Variants in MAB21L1 observed in about 807,000 individuals in gnomAD.
The protein encoded by MAB21L1 is putative nucleotidyltransferase MAB21L1.
Under a neutral mutation model 28.9 loss-of-function variants are expected in MAB21L1, and 8 were observed. The ratio of observed to expected loss-of-function variants is 0.28; its 90% CI spans 0.16 to 0.50. The LOEUF (loss-of-function observed/expected upper bound fraction) is 0.50. MAB21L1 is among the 20% of genes least tolerant of loss of function. MAB21L1 has a pLI of 0.98. For synonymous variants in MAB21L1, 219 were observed against 198.2 expected (o/e 1.10, Z -0.88); for missense variants, 388 against 466.5 (o/e 0.83, Z 1.55).
Position 35,475,538 on chromosome 13 carries a change from C to T in MAB21L1, c.601G>A (p.Ala201Thr), listed in dbSNP as rs1170411759. ...HIPWPGPNRV[A>T]EVKAEGFNLL... ...TTGAAACCTTCCGCCTTGACCTCCG[C>T]CACCCGGTTGGGTCCCGGCCAGGGG... Residue 201 changes from alanine (A) to threonine (T), a missense_variant, in exon 1 of 1, where the codon GCG becomes ACG. Ala to Thr is a moderately conservative substitution (Grantham distance 58, BLOSUM62 0). Coordinates refer to ENST00000379919, the MANE Select transcript of MAB21L1 (RefSeq NM_005584.5). The T allele has an allele frequency of 1.9e-6, 3 of 1,613,136 alleles. No homozygotes were observed. Among genetic ancestry groups the T allele is most frequent in the Middle Eastern group, 1.6e-4 (1 of 6,062 alleles).
In MAB21L1 at chr13:35,474,815, A is replaced by G. The variant is rs543695312; in HGVS notation, c.*244T>C. The stretch of plus-strand genomic sequence containing the variant: ...TTACGGTGTACTTTTCAAGGGAGAT[A>G]GGAAATCGTGTGGAAAGAAGTCTTC... On this transcript the variant is annotated 3_prime_UTR_variant, in exon 1 of 1. Transcript: ENST00000379919. The G allele has an allele frequency of 5.4e-4, 256 of 478,440 alleles. 2 individuals carry two copies. Among genetic ancestry groups the G allele is most frequent in the African/African-American group, 4.3e-3 (221 of 51,370 alleles). The allele number at this position is 478,440 out of a possible 1,614,324, so 29.6% of individuals were successfully genotyped here.
At position 35,474,615 on chromosome 13, in the gene MAB21L1, T is replaced by C. The variant is rs2075784617; in HGVS notation, c.*444A>G. The C allele has an allele frequency of 6.4e-6, 1 of 155,728 alleles. No individual in the cohort carries two copies. Among genetic ancestry groups the C allele is most frequent in the African/African-American group, 2.4e-5 (1 of 41,498 alleles). 9.6% of individuals were successfully genotyped at this position (155,728 alleles called of 1,614,324 possible). A position where few individuals can be genotyped will look rare whatever the true frequency, so the allele number is the denominator to read the frequency against. On this transcript the variant is annotated 3_prime_UTR_variant, in exon 1 of 1. Transcript: ENST00000379919. ...CCACACTTTCAAAGACAATGTGAGATCACAATATTTGTTACAAATCAAAAT... is the reference window on the plus strand; with the variant it reads ...CCACACTTTCAAAGACAATGTGAGACCACAATATTTGTTACAAATCAAAAT...
At position 35,474,134 on chromosome 13, in the gene MAB21L1, T is replaced by C. The variant is rs532938719; in HGVS notation, c.*925A>G. 6.6e-6 allele frequency: 1 copy of C among 152,584 alleles called. No homozygotes were observed. Among genetic ancestry groups the C allele is most frequent in the South Asian group, 2.1e-4 (1 of 4,820 alleles). 9.5% of individuals were successfully genotyped at this position (152,584 alleles called of 1,614,324 possible). On this transcript the variant is annotated 3_prime_UTR_variant, in exon 1 of 1. Transcript: ENST00000379919. ...TCTCAAAATATTTAAGATATTCAAG[T>C]GGGTTTGATTTTCAAAATGCATCAT...
In MAB21L1 at chr13:35,474,767, A is replaced by G. The variant is rs952414850; in HGVS notation, c.*292T>C. ...AGAGTGTTCGTCTCGGTCTGGCGTT[A>G]CAGCTGGGCTGTTTACGGAGTGTTA... On this transcript the variant is annotated 3_prime_UTR_variant, in exon 1 of 1. Coordinates refer to ENST00000379919, the MANE Select transcript of MAB21L1 (RefSeq NM_005584.5). 7 of 313,064 alleles carry G rather than the reference A, an allele frequency of 2.2e-5. No individual in the cohort carries two copies. The highest frequency in any genetic ancestry group is 4.3e-5 in the African/African-American group (2 of 46,788). The allele number at this position is 313,064 out of a possible 1,614,324, so 19.4% of individuals were successfully genotyped here. A position where few individuals can be genotyped will look rare whatever the true frequency, so the allele number is the denominator to read the frequency against.
In MAB21L1 at chr13:35,475,543, C is replaced by T. The variant is rs1433844226; in HGVS notation, c.596G>A (p.Arg199Gln). The T allele has an allele frequency of 6.2e-7, 1 of 1,613,200 alleles. No individual in the cohort carries two copies. The highest frequency in any genetic ancestry group is 1.7e-5 in the Admixed American group (1 of 59,980). Reference sequence around the variant, plus strand: ...ACCTTCCGCCTTGACCTCCGCCACCCGGTTGGGTCCCGGCCAGGGGATGTG... The same window carrying T: ...ACCTTCCGCCTTGACCTCCGCCACCTGGTTGGGTCCCGGCCAGGGGATGTG... The part of the protein sequence containing the change: ...LPHIPWPGPN[R>Q]VAEVKAEGFN... The change falls in exon 1 of 1, where the codon CGG (arginine) becomes CAG (glutamine). Residue 199 changes from arginine to glutamine, a missense_variant. Arg to Gln is a conservative substitution (Grantham distance 43). Transcript: ENST00000379919.
rs371299881 is a variant in MAB21L1, at chr13:35,475,053, C to T, written c.*6G>A. 29 of 1,607,692 alleles carry T rather than the reference C, an allele frequency of 1.8e-5. No individual in the cohort carries two copies. The highest frequency in any genetic ancestry group is 2.5e-5 in the Non-Finnish European group (29 of 1,176,164). ...TAATAATTTCGGCTCTTGATTAAATCATCCTCTAAAGTTTTTCCAAACTTT... is the reference window on the plus strand; with the variant it reads ...TAATAATTTCGGCTCTTGATTAAATTATCCTCTAAAGTTTTTCCAAACTTT... On this transcript the variant is annotated 3_prime_UTR_variant, in exon 1 of 1. Coordinates refer to ENST00000379919, the MANE Select transcript of MAB21L1 (RefSeq NM_005584.5).
In MAB21L1 at chr13:35,475,259, A is replaced by T. The variant is rs199816120; in HGVS notation, c.880T>A (p.Ser294Thr). 6.2e-7 allele frequency: 1 copy of T among 1,613,352 alleles called. No homozygotes were observed. The highest frequency in any genetic ancestry group is 2.2e-5 in the East Asian group (1 of 44,826). The change falls in exon 1 of 1, where the codon TCT becomes ACT. Residue 294 changes from serine to threonine, a missense_variant. Ser to Thr is a moderately conservative substitution (Grantham distance 58). Coordinates refer to ENST00000379919, the MANE Select transcript of MAB21L1 (RefSeq NM_005584.5). ...CCGTTCAGCCGATCACCCAGGCAAG[A>T]CTCGTCCCAGTCCGACTCTCGGGGA... ...KHPRESDWDE[S>T]CLGDRLNGIL...
Position 35,475,618 on chromosome 13 carries a change from A to G in MAB21L1, c.521T>C (p.Phe174Ser), listed in dbSNP as rs2075831917. 1 of 1,613,514 alleles carries G rather than the reference A, an allele frequency of 6.2e-7. No homozygotes were observed. Among genetic ancestry groups the G allele is most frequent in the Non-Finnish European group, 8.5e-7 (1 of 1,179,894 alleles). Residue 174 changes from phenylalanine (F) to serine (S), a missense_variant, in exon 1 of 1, where the codon TTT (phenylalanine) becomes TCT (serine). Transcript: ENST00000379919. ...DRYVVQITPA[F>S]KCTGIWPRSA... The stretch of plus-strand genomic sequence containing the variant: ...CCTCGGCCAGATCCCGGTGCATTTA[A>G]AGGCCGGCGTGATCTGCACCACGTA...
At position 35,474,179 on chromosome 13, in the gene MAB21L1, CAATTT is replaced by C. The variant is rs1282473113; in HGVS notation, c.*875_*879del. ...CATCATTACATCTTGTGATAGGAAA[CAATTT>C]AAAGTGAGACACAACAACTTTTATT... On this transcript the variant is annotated 3_prime_UTR_variant, in exon 1 of 1. Transcript: ENST00000379919. 6.6e-6 allele frequency: 1 copy of C among 152,480 alleles called. No individual in the cohort carries two copies. The highest frequency in any genetic ancestry group is 1.5e-5 in the Non-Finnish European group (1 of 67,980). 9.4% of individuals were successfully genotyped at this position (152,480 alleles called of 1,614,324 possible). A position where few individuals can be genotyped will look rare whatever the true frequency, so the allele number is the denominator to read the frequency against.
chr13:35,476,658 A>AT lies in MAB21L1; in HGVS notation c.-521dup. The AT allele has an allele frequency of 1.7e-6, 1 of 573,018 alleles. No homozygotes were observed. The highest frequency in any genetic ancestry group is 2.7e-6 in the Non-Finnish European group (1 of 374,476). 35.5% of individuals were successfully genotyped at this position (573,018 alleles called of 1,614,324 possible). ...GTGTCCGGGGTGAGTGTGCGTGTGT[A>AT]TATGTCAGAAGAAGCTGCTGTTGGT... On this transcript the variant is annotated 5_prime_UTR_variant, in exon 1 of 1. Coordinates refer to ENST00000379919, the MANE Select transcript of MAB21L1 (RefSeq NM_005584.5).
chr13:35,475,977 G>A lies in MAB21L1; in HGVS notation c.162C>T (p.Ser54=). ...EVEVQEPRFI[S]SLNEMDNRYE... is the part of the protein sequence containing the mutation. ...AGCGATTGTCCATCTCGTTGAGAGAGCTGATGAACCGCGGCTCCTGCACTT... is the reference window on the plus strand; with the variant it reads ...AGCGATTGTCCATCTCGTTGAGAGAACTGATGAACCGCGGCTCCTGCACTT... Residue 54 remains serine (S), a synonymous_variant, in exon 1 of 1, where the codon AGC becomes AGT. Transcript: ENST00000379919. 1 of 1,614,196 alleles carries A rather than the reference G, an allele frequency of 6.2e-7. No individual in the cohort carries two copies. The highest frequency in any genetic ancestry group is 8.5e-7 in the Non-Finnish European group (1 of 1,180,048).
Position 35,476,595 on chromosome 13 carries a change from G to A in MAB21L1, c.-457C>T. 1 of 532,238 alleles carries A rather than the reference G, an allele frequency of 1.9e-6. No individual in the cohort carries two copies. Among genetic ancestry groups the A allele is most frequent in the Admixed American group, 3.2e-5 (1 of 31,204 alleles). The allele number at this position is 532,238 out of a possible 1,614,324, so 33.0% of individuals were successfully genotyped here. On this transcript the variant is annotated 5_prime_UTR_variant, in exon 1 of 1. Transcript: ENST00000379919. ...CTTTCCCGTAATCATTGTGTGTGCA[G>A]CACTGTTAATCAAATGGAGGAAAAG...
chr13:35,474,915 A>T lies in MAB21L1; in HGVS notation c.*144T>A, dbSNP rs2075795166. ...TCCCCTTGTGGGGGTGGGTGAGATG[A>T]TGTTTAAATATTGTATTATTATTCC... On this transcript the variant is annotated 3_prime_UTR_variant, in exon 1 of 1. Transcript: ENST00000379919. 1.9e-6 allele frequency: 2 copies of T among 1,030,500 alleles called. No homozygotes were observed. The highest frequency in any genetic ancestry group is 3.5e-5 in the South Asian group (2 of 57,630). 63.8% of individuals were successfully genotyped at this position (1,030,500 alleles called of 1,614,324 possible).
Position 35,474,843 on chromosome 13 carries a change from A to AT in MAB21L1, c.*215dup. On this transcript the variant is annotated 3_prime_UTR_variant, in exon 1 of 1. Coordinates refer to ENST00000379919, the MANE Select transcript of MAB21L1 (RefSeq NM_005584.5). ...AAATCGTGTGGAAAGAAGTCTTCTA[A>AT]TACTAGTGGCTTTGGGTTTTTCTCC... The AT allele has an allele frequency of 1.8e-6, 1 of 568,606 alleles. No homozygotes were observed. Among genetic ancestry groups the AT allele is most frequent in the East Asian group, 3.0e-5 (1 of 32,828 alleles). 35.2% of individuals were successfully genotyped at this position (568,606 alleles called of 1,614,324 possible).
chr13:35,475,834 A>C lies in MAB21L1; in HGVS notation c.305T>G (p.Leu102Trp). Reference sequence around the variant, plus strand: ...CATGCTCCTCTTGCGCCCGTCGCTCAACTTCAGCACCGCGCAGCCGGGCAG... The same window carrying C: ...CATGCTCCTCTTGCGCCCGTCGCTCCACTTCAGCACCGCGCAGCCGGGCAG... ...GSLPGCAVLK[L>W]SDGRKRSMSL... Residue 102 changes from leucine to tryptophan, a missense_variant, in exon 1 of 1, where the codon TTG (leucine) becomes TGG (tryptophan). Leu to Trp is a moderately conservative substitution (Grantham distance 61). This residue lies in a region of MAB21L1 where 81 missense variants were observed against 153.7 expected (regional missense o/e 0.53). Coordinates refer to ENST00000379919, the MANE Select transcript of MAB21L1 (RefSeq NM_005584.5). 6.2e-7 allele frequency: 1 copy of C among 1,614,020 alleles called. No individual in the cohort carries two copies. The highest frequency in any genetic ancestry group is 8.5e-7 in the Non-Finnish European group (1 of 1,180,028).
chr13:35,475,606 C>T lies in MAB21L1; in HGVS notation c.533G>A (p.Gly178Glu). Residue 178 changes from glycine to glutamate, a missense_variant, in exon 1 of 1, where the codon GGG (glycine) becomes GAG (glutamate). Physicochemically the swap from Gly to Glu is moderately conservative, Grantham distance 98 (BLOSUM62 -2). This residue lies in a region of MAB21L1 where 81 missense variants were observed against 153.7 expected (regional missense o/e 0.53). Transcript: ENST00000379919. ...VQITPAFKCT[G>E]IWPRSAAHWP... ...GTGGGCAGCACTCCTCGGCCAGATC[C>T]CGGTGCATTTAAAGGCCGGCGTGAT... is the stretch of plus-strand genomic sequence containing the variant. 1 of 1,613,678 alleles carries T rather than the reference C, an allele frequency of 6.2e-7. No homozygotes were observed. Among genetic ancestry groups the T allele is most frequent in the Non-Finnish European group, 8.5e-7 (1 of 1,179,938 alleles).
Position 35,474,955 on chromosome 13 carries a change from G to T in MAB21L1, c.*104C>A. 1 of 1,240,806 alleles carries T rather than the reference G, an allele frequency of 8.1e-7. No homozygotes were observed. The highest frequency in any genetic ancestry group is 1.1e-6 in the Non-Finnish European group (1 of 883,808). The allele number at this position is 1,240,806 out of a possible 1,614,324, so 76.9% of individuals were successfully genotyped here. A position where few individuals can be genotyped will look rare whatever the true frequency, so the allele number is the denominator to read the frequency against. On this transcript the variant is annotated 3_prime_UTR_variant, in exon 1 of 1. Coordinates refer to ENST00000379919, the MANE Select transcript of MAB21L1 (RefSeq NM_005584.5). ...ATTATTATTCCTTTTTAAAGGAAGA[G>T]ATTGTTTGCACTGCGGAGTGGAATA...
At position 35,475,327 on chromosome 13, in the gene MAB21L1, T is replaced by A. The variant is rs200268591; in HGVS notation, c.812A>T (p.Asn271Ile). Residue 271 changes from asparagine to isoleucine, a missense_variant, in exon 1 of 1, where the codon AAT (asparagine) becomes ATT (isoleucine). By Grantham distance (149) the Asn-to-Ile change is moderately radical. Around this residue, in one of 3 missense-constraint regions of MAB21L1, gnomAD observed 218 missense variants for 220.6 expected, o/e 0.99. Transcript: ENST00000379919. The part of the protein sequence containing the change: ...HLELPGQPLN[N>I]YHMKTLVSYE... ...GGAAACCAGAGTCTTCATATGGTAA[T>A]TGTTCAAGGGCTGGCCCGGCAGTTC... is the stretch of plus-strand genomic sequence containing the variant. The A allele has an allele frequency of 3.1e-6, 5 of 1,614,026 alleles. No individual in the cohort carries two copies. Among genetic ancestry groups the A allele is most frequent in the Non-Finnish European group, 4.2e-6 (5 of 1,179,992 alleles).
chr13:35,476,278 TG>T lies in MAB21L1; in HGVS notation c.-141del, dbSNP rs2075860416. The T allele has an allele frequency of 7.1e-7, 1 of 1,407,430 alleles. No individual in the cohort carries two copies. Among genetic ancestry groups the T allele is most frequent in the Admixed American group, 1.9e-5 (1 of 51,816 alleles). 87.2% of individuals were successfully genotyped at this position (1,407,430 alleles called of 1,614,324 possible). A position where few individuals can be genotyped will look rare whatever the true frequency, so the allele number is the denominator to read the frequency against. On this transcript the variant is annotated 5_prime_UTR_variant, in exon 1 of 1. Coordinates refer to ENST00000379919, the MANE Select transcript of MAB21L1 (RefSeq NM_005584.5). ...ATGGATCAAAAATGCCTTTCGGAAGTGCTGCAGCGTTGGTTTCCCTGCTGCT... is the reference window on the plus strand; with the variant it reads ...ATGGATCAAAAATGCCTTTCGGAAGTCTGCAGCGTTGGTTTCCCTGCTGCT...
Sources: gnomAD v4.1 joint callset for allele counts on GRCh38, gnomAD v4.1.1 for gene constraint, gnomAD v4.1.1 regional missense constraint, MANE v1.5 for transcripts, NCBI Gene and HGNC (gene_info 2026-07-23, HGNC 2026-07-21) for gene names.